PDE11A: variants seen among roughly 807,000 people sequenced by gnomAD.
The protein encoded by PDE11A is phosphodiesterase 11A.
Under a neutral mutation model 100.5 loss-of-function variants are expected in PDE11A, and 100 were observed. That is an observed-to-expected ratio of 1.00 (90% CI 0.85 to 1.18). The LOEUF is 1.18. Ranked by LOEUF, PDE11A falls within the 50% of genes most tolerant of loss-of-function variation. The pLI is 0.00. For synonymous variants in PDE11A, 381 were observed against 420.8 expected (o/e 0.91, Z 1.16); for missense variants, 1,141 against 1,152.6 (o/e 0.99, Z 0.15).
At chr2:177,736,136 A>G (rs1438689120) in intron 10 of PDE11A, among the ~76,000 whole-genome samples, 1 of 152,052 alleles carries the variant, frequency 6.6e-6, no homozygotes, top group Non-Finnish European at 1.5e-5. Flanking sequence ...TAATGGGTCT[A>G]TCTATTTTGA....
At chr2:177,688,545 G>A (rs1479952843) in intron 15 of PDE11A, among the ~76,000 whole-genome samples, 1 of 151,778 alleles carries the variant, frequency 6.6e-6, no homozygotes, top group Non-Finnish European at 1.5e-5. Context: ...AATACCCGCT[G>A]GATCCAGACT....
chr2:177,636,414 T>C (rs2080039428), intron 19 of PDE11A, among the ~76,000 whole-genome samples: 1 of 152,216 alleles, frequency 6.6e-6, no homozygotes. Flanking sequence ...TCTTACAGCA[T>C]ATCAATCATT....
intron 10 of PDE11A, among the ~76,000 whole-genome samples, chr2:177,760,071 C>A (rs2082148185): frequency 6.6e-6 from 1 of 152,186 alleles, no homozygotes; most frequent in Non-Finnish European, 1.5e-5. Flanking sequence ...GCATTGTCTT[C>A]AGGAACAGAC....
At chr2:177,752,061 G>C (rs79291115) in intron 10 of PDE11A, among the ~76,000 whole-genome samples, 1,598 of 152,160 alleles carry the variant, frequency 0.011, 34 homozygotes, top group African/African-American at 0.036. Context: ...CCTCTGCAGC[G>C]CTCACCACGA....
intron 2 of PDE11A, among the ~76,000 whole-genome samples, chr2:177,926,591 G>A (rs990849190): frequency 1.3e-5 from 2 of 151,600 alleles, no homozygotes; most frequent in Admixed American, 1.3e-4. Context: ...GCAAGTTTCA[G>A]ATTTTAAGGT....
At chr2:177,943,825 CCCT>C (rs1324369053) in intron 2 of PDE11A, among the ~76,000 whole-genome samples, 3 of 152,116 alleles carry the variant, frequency 2.0e-5, no homozygotes, top group African/African-American at 7.2e-5. Flanking sequence ...GAAACTTTCC[CCCT>C]ATGATTCCTA....
chr2:177,688,896 C>A (rs996417470), intron 15 of PDE11A, among the ~76,000 whole-genome samples: 2 of 152,212 alleles, frequency 1.3e-5, no homozygotes, highest in Non-Finnish European at 2.9e-5. Flanking sequence ...AGTGAGAAAT[C>A]ACCATTTCTG....
intron 15 of PDE11A, among the ~76,000 whole-genome samples, chr2:177,689,388 T>C (rs1212112893): frequency 6.6e-6 from 1 of 152,146 alleles, no homozygotes; most frequent in Non-Finnish European, 1.5e-5. Flanking sequence ...GGCCTGTAAC[T>C]CTCCTCAATT....
At chr2:177,637,944 T>C (rs2080070073) in intron 19 of PDE11A, among the ~76,000 whole-genome samples, 1 of 145,466 alleles carries the variant, frequency 6.9e-6, no homozygotes, top group Admixed American at 7.0e-5. Context: ...TATATACATA[T>C]ATACACATAC....
At chr2:177,993,932 G>A (rs1201419598) in intron 2 of PDE11A, among the ~76,000 whole-genome samples, 3 of 127,652 alleles carry the variant, frequency 2.4e-5, no homozygotes, top group Non-Finnish European at 5.0e-5. Context: ...CTCCGCAAAT[G>A]TAAATTTTTT....
chr2:177,865,229 G>A (rs1444411587), intron 5 of PDE11A, among the ~76,000 whole-genome samples: 1 of 152,082 alleles, frequency 6.6e-6, no homozygotes, highest in Non-Finnish European at 1.5e-5. Context: ...CGTGAGCCGA[G>A]ACTGTGCCAC....
chr2:177,712,030 G>A, intron 12 of PDE11A, 152 bp from the exon 13 acceptor site: 1 of 634,802 alleles, frequency 1.6e-6, no homozygotes, highest in Non-Finnish European at 2.9e-6. Flanking sequence ...AAGTTGGGTG[G>A]TCAGTTGCAC....
chr2:178,001,251 A>G (rs2086141548), intron 2 of PDE11A, among the ~76,000 whole-genome samples: 1 of 150,106 alleles, frequency 6.7e-6, no homozygotes, highest in African/African-American at 2.5e-5. Context: ...TTTGCTTTAC[A>G]TTCCTTAGCA....
intron 10 of PDE11A, among the ~76,000 whole-genome samples, chr2:177,729,811 C>T (rs1177842813): frequency 1.3e-5 from 2 of 152,074 alleles, no homozygotes. Flanking sequence ...AGTTTATTTT[C>T]ATTCATTATC....
chr2:178,101,991 T>A (rs1018118897), intron 2 of PDE11A, among the ~76,000 whole-genome samples: 1 of 152,052 alleles, frequency 6.6e-6, no homozygotes, highest in African/African-American at 2.4e-5. Flanking sequence ...TGAGACAGGG[T>A]CTCACTCTGT....
At chr2:178,086,009 G>A (rs1228474966) in intron 2 of PDE11A, among the ~76,000 whole-genome samples, 1 of 152,160 alleles carries the variant, frequency 6.6e-6, no homozygotes, top group Non-Finnish European at 1.5e-5. Context: ...GAAGTCACCT[G>A]GAGACTTGAC....
At chr2:177,835,427 G>A (rs74267462) in intron 6 of PDE11A, among the ~76,000 whole-genome samples, 1,749 of 152,202 alleles carry the variant, frequency 0.011, 25 homozygotes, top group East Asian at 0.076. Flanking sequence ...TACTCCCCTC[G>A]GATGCATCCT....
chr2:177,686,339 G>C (rs2080949159), intron 15 of PDE11A, among the ~76,000 whole-genome samples: 1 of 152,210 alleles, frequency 6.6e-6, no homozygotes, highest in Non-Finnish European at 1.5e-5. Context: ...GGCCAAGGGA[G>C]GAGGATTGCT....
chr2:178,072,139 G>T lies in PDE11A; in HGVS notation c.299C>A (p.Pro100His), dbSNP rs2087141971. Residue 100 changes from proline (P) to histidine (H), a missense_variant, in exon 1 of 20, where the codon CCC becomes CAC. By Grantham distance (77) the Pro-to-His change is moderately conservative. Transcript: ENST00000286063. Reference protein sequence around the residue: ...GGDCGGVPLSPSWAGGSRGDG... With the variant: ...GGDCGGVPLSHSWAGGSRGDG... ...GCCCCTGCTGCCACCGGCCCAGCTG[G>T]GACTCAAGGGAACCCCACCACAGTC... The T allele has an allele frequency of 2.5e-6, 4 of 1,613,740 alleles. No individual in the cohort carries two copies. In the Admixed American group the frequency reaches 5.0e-5, roughly 20 times the overall value.
Sources: gnomAD v4.1 joint callset for allele counts (sites outside exome capture counted in the v4.1 genomes callset) on GRCh38, gnomAD v4.1.1 for gene constraint, MANE v1.5 for transcripts, NCBI Gene and HGNC (gene_info 2026-07-23, HGNC 2026-07-21) for gene names.